Variants in CNTN5 observed in about 807,000 individuals in gnomAD.
CNTN5 encodes the protein contactin-5.
A neutral mutation model predicts 129.1 loss-of-function variants in CNTN5; 77 were observed. That is an observed-to-expected ratio of 0.60 (90% CI 0.50 to 0.72). The LOEUF (loss-of-function observed/expected upper bound fraction) is 0.72, where lower values mean the gene tolerates loss of function less well. Ranked by LOEUF, CNTN5 falls within the 30% of genes least tolerant of loss-of-function variation. The probability of loss-of-function intolerance (pLI) is 0.00; values close to 1 mark genes in which losing one functional copy is unlikely to be tolerated. For synonymous variants in CNTN5, 509 were observed against 465.6 expected (o/e 1.09, Z -1.20); for missense variants, 1,478 against 1,328.8 (o/e 1.11, Z -1.75).
At chr11:100,087,168 T>C (rs1184581258) in intron 13 of CNTN5, among the ~76,000 whole-genome samples, 9 of 150,980 alleles carry the variant, frequency 6.0e-5, no homozygotes, top group African/African-American at 1.7e-4. Flanking sequence ...AAATGAAAAA[T>C]AAGCACAGAT....
chr11:99,498,981 C>T (rs1040309285), intron 2 of CNTN5, among the ~76,000 whole-genome samples: 19 of 152,212 alleles, frequency 1.2e-4, no homozygotes, highest in Non-Finnish European at 2.6e-4. Flanking sequence ...ATAAAGGCAG[C>T]TCTACCTCTG....
intron 1 of CNTN5, among the ~76,000 whole-genome samples, chr11:99,146,600 C>G (rs1387763466): frequency 6.6e-6 from 1 of 152,078 alleles, no homozygotes; most frequent in Non-Finnish European, 1.5e-5. Flanking sequence ...ACACCCAATC[C>G]TTGTTGATGA....
At position 100,350,729 on chromosome 11, in the gene CNTN5, A is replaced by G; in HGVS notation, c.3058A>G (p.Asn1020Asp). 1 of 1,608,502 alleles carries G rather than the reference A, an allele frequency of 6.2e-7. No individual in the cohort carries two copies. The highest frequency in any genetic ancestry group is 8.5e-7 in the Non-Finnish European group (1 of 1,176,584). ...TTTTTATAGGCAAGAGGGTCACAGCAACAGCCAAGTTATTGAAACACAGAA... is the reference window on the plus strand; with the variant it reads ...TTTTTATAGGCAAGAGGGTCACAGCGACAGCCAAGTTATTGAAACACAGAA... The part of the protein sequence containing the change: ...KVFYRQEGHS[N>D]SQVIETQKLQ... Residue 1020 changes from asparagine to aspartate, a missense_variant, in exon 24 of 25, where the codon AAC (asparagine) becomes GAC (aspartate). Physicochemically the swap from Asn to Asp is conservative, Grantham distance 23. Coordinates refer to ENST00000524871, the MANE Select transcript of CNTN5 (RefSeq NM_014361.4).
At chr11:100,148,847 T>C (rs1946947729) in intron 13 of CNTN5, among the ~76,000 whole-genome samples, 2 of 152,106 alleles carry the variant, frequency 1.3e-5, no homozygotes, top group African/African-American at 4.8e-5. Context: ...GATTGTTTGG[T>C]AGTGCGGTTC....
chr11:99,857,827 T>C (rs1031218966), intron 6 of CNTN5, among the ~76,000 whole-genome samples: 4 of 152,152 alleles, frequency 2.6e-5, no homozygotes, highest in Non-Finnish European at 5.9e-5. Context: ...ATTCTAGCAA[T>C]ATCTCTTTAT....
intron 2 of CNTN5, among the ~76,000 whole-genome samples, chr11:99,524,238 T>G (rs993703502): frequency 4.6e-5 from 7 of 152,174 alleles, no homozygotes; most frequent in African/African-American, 1.7e-4. Context: ...CAGGTCACTA[T>G]TTGGAGGATA....
chr11:99,742,044 T>C (rs1565481296), intron 3 of CNTN5, among the ~76,000 whole-genome samples: 1 of 151,938 alleles, frequency 6.6e-6, no homozygotes, highest in Non-Finnish European at 1.5e-5. Flanking sequence ...AAAAGAGAAA[T>C]AGGGGAAATG....
chr11:100,165,341 T>C (rs1398269644), intron 13 of CNTN5, among the ~76,000 whole-genome samples: 3 of 151,790 alleles, frequency 2.0e-5, no homozygotes, highest in African/African-American at 7.3e-5. Context: ...TCCTCTGTTA[T>C]CAGTGTTTCT....
chr11:99,649,774 G>T (rs765780265), intron 3 of CNTN5, among the ~76,000 whole-genome samples: 3 of 151,632 alleles, frequency 2.0e-5, no homozygotes, highest in Non-Finnish European at 4.4e-5. Flanking sequence ...ATAGTTTTTT[G>T]AAGAAAACAG....
At chr11:100,153,044 G>T (rs1014118890) in intron 13 of CNTN5, among the ~76,000 whole-genome samples, 1 of 151,994 alleles carries the variant, frequency 6.6e-6, no homozygotes, top group Non-Finnish European at 1.5e-5. Context: ...AGAACAGAAA[G>T]AAGTAATAAA....
intron 9 of CNTN5, among the ~76,000 whole-genome samples, chr11:100,048,596 A>G (rs924719952): frequency 6.6e-6 from 1 of 152,108 alleles, no homozygotes; most frequent in African/African-American, 2.4e-5. Flanking sequence ...TTGGATTTAC[A>G]GTGGATTAGA....
At chr11:100,341,281 C>G in intron 23 of CNTN5, 76 bp downstream of exon 23, 1 of 1,056,792 alleles carries the variant, frequency 9.5e-7, no homozygotes, top group Non-Finnish European at 1.5e-6. Flanking sequence ...ATTAATAAGG[C>G]ATAAAAAGAC....
chr11:100,354,744 A>G (rs1952486729), intron 24 of CNTN5, among the ~76,000 whole-genome samples: 1 of 151,712 alleles, frequency 6.6e-6, no homozygotes, highest in African/African-American at 2.4e-5. Context: ...GGTATAGCCT[A>G]TTGCTCCTAG....
At chr11:99,718,454 T>A (rs1943058278) in intron 3 of CNTN5, among the ~76,000 whole-genome samples, 1 of 152,146 alleles carries the variant, frequency 6.6e-6, no homozygotes, top group African/African-American at 2.4e-5. Context: ...GTGATTCTGA[T>A]ATATGGCCAA....
intron 6 of CNTN5, among the ~76,000 whole-genome samples, chr11:99,893,446 C>T (rs1464426402): frequency 5.3e-5 from 8 of 152,020 alleles, no homozygotes; most frequent in South Asian, 2.1e-4. Context: ...AAAAAGTTTG[C>T]GTTCAGATAG....
At chr11:100,136,651 T>C (rs1447503261) in intron 13 of CNTN5, among the ~76,000 whole-genome samples, 2 of 152,008 alleles carry the variant, frequency 1.3e-5, no homozygotes, top group Non-Finnish European at 2.9e-5. Flanking sequence ...TTCACAGCAC[T>C]TTCAAAGCTC....
intron 4 of CNTN5, among the ~76,000 whole-genome samples, chr11:99,834,980 T>C (rs1947257010): frequency 6.6e-6 from 1 of 152,216 alleles, no homozygotes; most frequent in East Asian, 1.9e-4. Context: ...ATTCAGGAGT[T>C]TCCCTTCTTA....
chr11:100,062,248 C>T (rs1203501104), intron 10 of CNTN5, among the ~76,000 whole-genome samples: 1 of 152,242 alleles, frequency 6.6e-6, no homozygotes, highest in East Asian at 1.9e-4. Flanking sequence ...ATCCAAATTT[C>T]ATATTGGCTG....
At chr11:99,730,219 G>A (rs1466551684) in intron 3 of CNTN5, among the ~76,000 whole-genome samples, 2 of 152,150 alleles carry the variant, frequency 1.3e-5, no homozygotes, top group African/African-American at 2.4e-5. Context: ...TCCCTAGAAG[G>A]AGGCAGAATT....
Sources: gnomAD v4.1 joint callset for allele counts (sites outside exome capture counted in the v4.1 genomes callset) on GRCh38, gnomAD v4.1.1 for gene constraint, MANE v1.5 for transcripts, NCBI Gene and HGNC (gene_info 2026-07-23, HGNC 2026-07-21) for gene names.